The following ENTREP1 variants were observed in gnomAD, a reference collection of about 807,000 sequenced individuals.
The protein encoded by ENTREP1 is Friedreich ataxia region gene X123.
the ENTREP1 span, among the ~76,000 whole-genome samples, chr9:69,360,434 GT>G: frequency 1.3e-5 from 2 of 152,104 alleles, no homozygotes; most frequent in African/African-American, 2.4e-5. Flanking sequence ...GCAATTTTCA[GT>G]GTTTATTTTA....
chr9:69,364,730 A>G, the ENTREP1 span, among the ~76,000 whole-genome samples: 1 of 152,318 alleles, frequency 6.6e-6, no homozygotes, highest in African/African-American at 2.4e-5. Flanking sequence ...TGCTAGAGTA[A>G]TTCAGGTGAC....
the ENTREP1 span, among the ~76,000 whole-genome samples, chr9:69,367,702 T>TAAATATATATATACACATATATATAA: frequency 8.8e-6 from 1 of 113,770 alleles, no homozygotes; most frequent in Non-Finnish European, 1.8e-5. Context: ...CACATATATA[T>TAAATATATATATACACATATATATAA]AAATATATAT....
the ENTREP1 span, among the ~76,000 whole-genome samples, chr9:69,358,699 G>A: frequency 2.0e-5 from 3 of 152,262 alleles, no homozygotes; most frequent in Admixed American, 2.0e-4. Flanking sequence ...TTCTTCTCAT[G>A]AGGAAATAAT....
At chr9:69,368,834 TTC>T in the ENTREP1 span, among the ~76,000 whole-genome samples, 9 of 152,074 alleles carry the variant, frequency 5.9e-5, no homozygotes, top group South Asian at 2.1e-4. Context: ...ACAAACAATT[TTC>T]TTTTTTTTTA....
chr9:69,376,205 C>A, the ENTREP1 span, among the ~76,000 whole-genome samples: 1 of 152,118 alleles, frequency 6.6e-6, no homozygotes, highest in African/African-American at 2.4e-5. Context: ...CACACATATA[C>A]GGTGTAGCTT....
At chr9:69,385,763 CTTTTTTTTTT>C in the ENTREP1 span, 231 of 1,243,828 alleles carry the variant, frequency 1.9e-4, no homozygotes, top group Admixed American at 2.0e-4. Context: ...TGTTTCGCCT[CTTTTTTTTTT>C]TTTTTTTTTT....
chr9:69,386,434 T>C, the ENTREP1 span: 1 of 75,354 alleles, frequency 1.3e-5, no homozygotes, highest in African/African-American at 5.5e-5. Context: ...CCCACACAAT[T>C]CACCTCTCTC....
the ENTREP1 span, among the ~76,000 whole-genome samples, chr9:69,377,112 C>T: frequency 9.2e-5 from 14 of 152,264 alleles, no homozygotes; most frequent in African/African-American, 2.9e-4. Flanking sequence ...TATCATACCA[C>T]GTTGTTCTGT....
the ENTREP1 span, among the ~76,000 whole-genome samples, chr9:69,368,476 C>T: frequency 6.6e-6 from 1 of 152,164 alleles, no homozygotes; most frequent in African/African-American, 2.4e-5. Flanking sequence ...GCATGTTGAT[C>T]TATCCTTGCA....
chr9:69,385,681 C>T, the ENTREP1 span: 1 of 1,405,154 alleles, frequency 7.1e-7, no homozygotes. Flanking sequence ...CTGCATTACC[C>T]TTGCCCTGGC....
the ENTREP1 span, among the ~76,000 whole-genome samples, chr9:69,346,084 G>A: frequency 2.0e-5 from 3 of 151,894 alleles, no homozygotes; most frequent in Non-Finnish European, 4.4e-5. Flanking sequence ...CCGGGTTCAA[G>A]CGATTCTCCT....
chr9:69,362,977 C>A, the ENTREP1 span, among the ~76,000 whole-genome samples: 2 of 152,120 alleles, frequency 1.3e-5, no homozygotes, highest in Admixed American at 6.5e-5. Context: ...ACTTAATAAA[C>A]CCCCTTTATA....
chr9:69,377,335 A>G, the ENTREP1 span: 2 of 1,141,640 alleles, frequency 1.8e-6, no homozygotes. Flanking sequence ...ATGTTTGTTG[A>G]AGTACTTAGT....
At chr9:69,391,472 A>T in the ENTREP1 span, 1 of 717,918 alleles carries the variant, frequency 1.4e-6, no homozygotes, top group Non-Finnish European at 2.3e-6. Flanking sequence ...ACTTTGGGAA[A>T]ATGCCTTTTT....
the ENTREP1 span, among the ~76,000 whole-genome samples, chr9:69,346,329 T>A: frequency 6.6e-6 from 1 of 152,170 alleles, no homozygotes; most frequent in African/African-American, 2.4e-5. Flanking sequence ...TCTTGGTGGT[T>A]GTCCTACCTT....
chr9:69,347,430 A>G, the ENTREP1 span, among the ~76,000 whole-genome samples: 2 of 152,130 alleles, frequency 1.3e-5, no homozygotes, highest in African/African-American at 2.4e-5. Context: ...ATCAAACCCA[A>G]CTGTGTTGTA....
chr9:69,361,255 G>C, the ENTREP1 span, among the ~76,000 whole-genome samples: 7 of 151,944 alleles, frequency 4.6e-5, no homozygotes, highest in Non-Finnish European at 1.0e-4. Flanking sequence ...CCAGTGTTCT[G>C]TAAAGTTTCC....
the ENTREP1 span, chr9:69,379,968 GTCTC>G: frequency 2.6e-5 from 4 of 152,276 alleles, no homozygotes; most frequent in African/African-American, 9.6e-5. Context: ...CCTCGGATTT[GTCTC>G]TCTGAGTCCT....
At chr9:69,360,080 T>G in the ENTREP1 span, among the ~76,000 whole-genome samples, 4 of 152,210 alleles carry the variant, frequency 2.6e-5, no homozygotes, top group Admixed American at 6.5e-5. Context: ...TCAAGATTAT[T>G]CGGCTAGTAA....
Sources: gnomAD v4.1 joint callset for allele counts (sites outside exome capture counted in the v4.1 genomes callset) on GRCh38, gnomAD v4.1.1 for gene constraint, MANE v1.5 for transcripts, NCBI Gene and HGNC (gene_info 2026-07-23, HGNC 2026-07-21) for gene names.